The following CCSER1 variants were observed in gnomAD, a reference collection of about 807,000 sequenced individuals.
The protein encoded by CCSER1 is serine-rich coiled-coil domain-containing protein 1.
In CCSER1, 41 loss-of-function variants were observed where a neutral mutation model predicts 82.0. The observed-to-expected ratio is 0.50, with a 90% CI of 0.39 to 0.65. CCSER1 has a LOEUF of 0.65. CCSER1 is among the 30% of genes least tolerant of loss of function. CCSER1 has a pLI of 0.00. For missense variants in CCSER1, 1,119 were observed against 1,064.2 expected, an observed-to-expected ratio of 1.05 and a Z score of -0.72; for synonymous variants, 414 against 383.9, an observed-to-expected ratio of 1.08 and a Z score of -0.92.
chr4:90,214,074 A>G (rs1287477540), intron 1 of CCSER1, among the ~76,000 whole-genome samples: 1 of 152,198 alleles, frequency 6.6e-6, no homozygotes, highest in Non-Finnish European at 1.5e-5. Flanking sequence ...TAAAGAAGAT[A>G]AAATTAACCA....
chr4:90,914,743 A>G (rs1727034937), intron 8 of CCSER1, among the ~76,000 whole-genome samples: 1 of 151,902 alleles, frequency 6.6e-6, no homozygotes, highest in South Asian at 2.1e-4. Flanking sequence ...TTTTGAAAAG[A>G]TCAGCAAAAT....
intron 10 of CCSER1, among the ~76,000 whole-genome samples, chr4:91,207,301 C>T (rs2149078014): frequency 6.6e-6 from 1 of 151,764 alleles, no homozygotes; most frequent in Middle Eastern, 3.4e-3. Context: ...TATTTCATCA[C>T]CCAGGCATTA....
At chr4:90,906,179 T>A (rs909669826) in intron 8 of CCSER1, among the ~76,000 whole-genome samples, 1 of 152,186 alleles carries the variant, frequency 6.6e-6, no homozygotes, top group African/African-American at 2.4e-5. Flanking sequence ...TGTCTTCTTA[T>A]ATTTTGCTAT....
rs370331231 is a variant in CCSER1 at position 90,983,180 on chromosome 4, AT to A, written c.2172+59742del. Among the ~76,000 whole-genome samples, 959 of 150,400 alleles carry A rather than the reference AT, an allele frequency of 6.4e-3. 5 individuals are homozygous for A. Among genetic ancestry groups the A allele is most frequent in the Non-Finnish European group, 9.0e-3 (606 of 67,356 alleles). On this transcript the variant is annotated intron_variant, in intron 9 of 10. Coordinates refer to ENST00000509176, the MANE Select transcript of CCSER1 (RefSeq NM_001145065.2). The stretch of plus-strand genomic sequence containing the variant: ...ATAAAAGCAATTCCATTTGAATCCC[AT>A]TTTTTTTTGTCCTTGGATAAATGTA...
At chr4:91,375,477 A>C (rs1232289006) in intron 10 of CCSER1, among the ~76,000 whole-genome samples, 1 of 152,070 alleles carries the variant, frequency 6.6e-6, no homozygotes, top group African/African-American at 2.4e-5. Context: ...GAAATTTTTC[A>C]TGAAAGGAAG....
chr4:91,021,834 GAATT>G (rs1740004586), intron 9 of CCSER1, among the ~76,000 whole-genome samples: 1 of 152,018 alleles, frequency 6.6e-6, no homozygotes, highest in Non-Finnish European at 1.5e-5. Context: ...TTTTAAAAAA[GAATT>G]AAGATGAATT....
intron 10 of CCSER1, among the ~76,000 whole-genome samples, chr4:91,513,931 A>C (rs1759962001): frequency 6.6e-6 from 1 of 151,328 alleles, no homozygotes; most frequent in South Asian, 2.1e-4. Flanking sequence ...GATTCTTTTT[A>C]TGGATTTTTG....
intron 8 of CCSER1, among the ~76,000 whole-genome samples, chr4:90,907,706 A>G (rs374501983): frequency 2.0e-5 from 3 of 152,142 alleles, no homozygotes; most frequent in African/African-American, 7.2e-5. Context: ...CCCGTTGTTT[A>G]ATATCCTCAC....
At chr4:90,199,754 T>G (rs1318245245) in intron 1 of CCSER1, among the ~76,000 whole-genome samples, 1 of 152,238 alleles carries the variant, frequency 6.6e-6, no homozygotes, top group South Asian at 2.1e-4. Flanking sequence ...TACAATAGAT[T>G]TTGTGTTTTT....
At chr4:90,872,898 C>T (rs555639843) in intron 8 of CCSER1, among the ~76,000 whole-genome samples, 17 of 151,902 alleles carry the variant, frequency 1.1e-4, no homozygotes, top group Non-Finnish European at 1.9e-4. Flanking sequence ...TATCATGCCA[C>T]CCTCTCCTGG....
intron 5 of CCSER1, among the ~76,000 whole-genome samples, chr4:90,485,414 T>C (rs1160214684): frequency 6.6e-6 from 1 of 152,092 alleles, no homozygotes; most frequent in East Asian, 1.9e-4. Context: ...CCCCGTGAGA[T>C]GAACCTGGTA....
chr4:90,252,393 A>G (rs1722552724), intron 1 of CCSER1, among the ~76,000 whole-genome samples: 1 of 151,814 alleles, frequency 6.6e-6, no homozygotes, highest in Non-Finnish European at 1.5e-5. Flanking sequence ...AAGTATTTCC[A>G]ATTTCTCTTT....
intron 4 of CCSER1, among the ~76,000 whole-genome samples, chr4:90,403,492 C>T (rs1373650398): frequency 3.1e-5 from 4 of 130,020 alleles, no homozygotes; most frequent in African/African-American, 9.1e-5. Context: ...GAGCGAGACT[C>T]CGTCTCAAAA....
chr4:91,372,323 T>A (rs979080813), intron 10 of CCSER1, among the ~76,000 whole-genome samples: 1 of 152,106 alleles, frequency 6.6e-6, no homozygotes, highest in African/African-American at 2.4e-5. Context: ...CATAGGATAA[T>A]CTCATTCCAC....
At chr4:90,919,089 TAAAAA>T (rs71596538) in intron 8 of CCSER1, among the ~76,000 whole-genome samples, 1,721 of 87,212 alleles carry the variant, frequency 0.02, 29 homozygotes, top group African/African-American at 0.059. Context: ...GTTTCCACAG[TAAAAA>T]AAAAAAAAAA....
intron 1 of CCSER1, among the ~76,000 whole-genome samples, chr4:90,267,311 C>T (rs374595788): frequency 8.6e-5 from 13 of 151,960 alleles, no homozygotes; most frequent in African/African-American, 3.1e-4. Context: ...GCTTGTATTC[C>T]AGCTCAGCCA....
At chr4:91,543,586 C>T (rs1287461940) in intron 10 of CCSER1, among the ~76,000 whole-genome samples, 2 of 152,094 alleles carry the variant, frequency 1.3e-5, no homozygotes, top group East Asian at 1.9e-4. Flanking sequence ...GATATGAAAT[C>T]TGAGTTGAAA....
intron 7 of CCSER1, among the ~76,000 whole-genome samples, chr4:90,731,782 A>G (rs1485885436): frequency 3.9e-5 from 6 of 152,314 alleles, no homozygotes; most frequent in African/African-American, 1.2e-4. Context: ...TTTCACTCAT[A>G]TAATTCCAAG....
chr4:91,212,415 C>T (rs986988147), intron 10 of CCSER1, among the ~76,000 whole-genome samples: 2 of 151,884 alleles, frequency 1.3e-5, no homozygotes, highest in African/African-American at 4.8e-5. Flanking sequence ...TGCCATCCCT[C>T]AGTGTTTCAG....
Sources: gnomAD v4.1 joint callset for allele counts (sites outside exome capture counted in the v4.1 genomes callset) on GRCh38, gnomAD v4.1.1 for gene constraint, MANE v1.5 for transcripts, NCBI Gene and HGNC (gene_info 2026-07-23, HGNC 2026-07-21) for gene names.